EIF3E: variants seen among roughly 807,000 people sequenced by gnomAD.
EIF3E encodes the protein eukaryotic translation initiation factor 3 subunit E.
In EIF3E, 25 loss-of-function variants were observed where a neutral mutation model predicts 59.3. The observed-to-expected ratio is 0.42, with a 90% CI of 0.31 to 0.59. The LOEUF (loss-of-function observed/expected upper bound fraction) is 0.59, where lower values mean the gene tolerates loss of function less well. Among genes scored for constraint, EIF3E ranks in the 20% least tolerant of loss-of-function variants. The pLI is 0.15. For missense variants in EIF3E, 317 were observed against 534.3 expected (o/e 0.59, Z 4.01); for synonymous variants, 176 against 170.2 (o/e 1.03, Z -0.26).
intron 7 of EIF3E, chr8:108,227,543 T>C (rs1344182653): frequency 2.6e-5 from 4 of 152,188 alleles, no homozygotes; most frequent in Admixed American, 2.0e-4. Context: ...TGTAAGAATA[T>C]GAATAGAAAT....
intron 5 of EIF3E, 69 bp downstream of exon 5, chr8:108,234,929 T>A: frequency 1.9e-6 from 2 of 1,037,374 alleles, no homozygotes. Flanking sequence ...TATATACATG[T>A]TTTGAAGAAC....
intron 1 of EIF3E, chr8:108,242,328 T>C: frequency 1.6e-6 from 2 of 1,289,618 alleles, no homozygotes; most frequent in Non-Finnish European, 1.0e-6. Context: ...TGCTTCTCCA[T>C]CCACATTGCT....
chr8:108,214,860 C>T, intron 9 of EIF3E, 144 bp from the exon 10 acceptor site: 1 of 663,140 alleles, frequency 1.5e-6, no homozygotes, highest in South Asian at 2.2e-5. Flanking sequence ...GTGTTCAAAT[C>T]TTTAATGATT....
At chr8:108,230,473 G>A (rs933631591) in intron 5 of EIF3E, among the ~76,000 whole-genome samples, 9 of 151,624 alleles carry the variant, frequency 5.9e-5, no homozygotes, top group South Asian at 2.1e-4. Flanking sequence ...ATTTACATAC[G>A]TAAATTTATA....
Position 108,248,683 on chromosome 8 carries a change from G to A in EIF3E, c.20C>T (p.Thr7Ile), listed in dbSNP as rs1292093954. The A allele has an allele frequency of 6.2e-7, 1 of 1,614,070 alleles. No individual in the cohort carries two copies. The highest frequency in any genetic ancestry group is 2.2e-5 in the East Asian group (1 of 44,888). The change falls in exon 1 of 13, where the codon ACT becomes ATT. Residue 7 changes from threonine (T) to isoleucine (I), a missense_variant. Coordinates refer to ENST00000220849, the MANE Select transcript of EIF3E (RefSeq NM_001568.3). ...ATCCAAAAAGTGCGCGATGCGAGTA[G>A]TCAAGTCGTACTCCGCCATCTTGCC... is the stretch of plus-strand genomic sequence containing the variant. MAEYDL[T>I]TRIAHFLDRH...
chr8:108,206,341 G>A (rs953933076), intron 10 of EIF3E, among the ~76,000 whole-genome samples: 4 of 151,642 alleles, frequency 2.6e-5, no homozygotes, highest in African/African-American at 9.7e-5. Flanking sequence ...AAAAGAAAAA[G>A]AAAGAAAAAA....
Position 108,246,795 on chromosome 8 carries a change from TAA to T in EIF3E, c.90+1816_90+1817del, listed in dbSNP as rs1192374625. Among the ~76,000 whole-genome samples the T allele has an allele frequency of 4.6e-5, 7 of 152,324 alleles. No homozygotes were observed. In the East Asian group the frequency reaches 1.3e-3, roughly 29 times the overall value. On this transcript the variant is annotated intron_variant, in intron 1 of 12. Transcript: ENST00000220849. ...TTCATGATGATGTACTTCCACTTAC[TAA>T]AAAGTAAATGTATTTTCTCTTCCTT...
At chr8:108,242,418 T>G (rs1260649223) in intron 1 of EIF3E, 1 of 1,289,286 alleles carries the variant, frequency 7.8e-7, no homozygotes, top group African/African-American at 1.5e-5. Context: ...AAAGCATAAT[T>G]TAACCTATAG....
chr8:108,204,013 A>G (rs1815044360), intron 10 of EIF3E, among the ~76,000 whole-genome samples: 1 of 152,112 alleles, frequency 6.6e-6, no homozygotes, highest in Non-Finnish European at 1.5e-5. Flanking sequence ...TAGCATTTAC[A>G]TTTTTAAAAG....
intron 10 of EIF3E, among the ~76,000 whole-genome samples, chr8:108,210,167 T>C (rs535807461): frequency 1.3e-5 from 2 of 152,258 alleles, no homozygotes; most frequent in Non-Finnish European, 2.9e-5. Flanking sequence ...CTCAGTCATA[T>C]AGTATTTCTG....
At chr8:108,204,750 G>T (rs511977) in intron 10 of EIF3E, among the ~76,000 whole-genome samples, 43,115 of 93,956 alleles carry the variant, frequency 0.46, 9,920 homozygotes, top group African/African-American at 0.49. Context: ...TATATATAGA[G>T]AGAGAGAGAG....
chr8:108,229,260 T>G (rs1815577453), intron 5 of EIF3E, 65 bp from the exon 6 acceptor site: 1 of 1,532,512 alleles, frequency 6.5e-7, no homozygotes, highest in East Asian at 2.3e-5. Context: ...AATGTATGTT[T>G]TATACCCATG....
intron 1 of EIF3E, among the ~76,000 whole-genome samples, chr8:108,243,644 A>AG (rs1263205566): frequency 2.0e-5 from 3 of 149,698 alleles, no homozygotes; most frequent in Non-Finnish European, 4.4e-5. Context: ...AAAAGAAAAA[A>AG]AAAAAAAAAA....
At chr8:108,239,083 T>A (rs1200441959) in intron 3 of EIF3E, among the ~76,000 whole-genome samples, 1 of 152,146 alleles carries the variant, frequency 6.6e-6, no homozygotes, top group Non-Finnish European at 1.5e-5. Context: ...TGGAAGGGTA[T>A]GAAAGAATGT....
At chr8:108,224,824 T>G (rs1815489334) in intron 7 of EIF3E, among the ~76,000 whole-genome samples, 1 of 151,616 alleles carries the variant, frequency 6.6e-6, no homozygotes. Context: ...TCTTGTACTT[T>G]AGAGTAAATC....
intron 1 of EIF3E, among the ~76,000 whole-genome samples, chr8:108,245,195 G>A (rs1322137691): frequency 6.6e-6 from 1 of 151,792 alleles, no homozygotes; most frequent in Non-Finnish European, 1.5e-5. Context: ...AGCCAAGGGT[G>A]GTGGCTCATG....
chr8:108,236,074 G>T, intron 4 of EIF3E, 87 bp downstream of exon 4: 2 of 997,652 alleles, frequency 2.0e-6, no homozygotes, highest in Admixed American at 5.5e-5. Flanking sequence ...ATATTCTTAG[G>T]CCAAGCCATA....
intron 9 of EIF3E, among the ~76,000 whole-genome samples, chr8:108,215,343 G>A (rs1005903275): frequency 1.3e-5 from 2 of 152,082 alleles, no homozygotes; most frequent in African/African-American, 4.8e-5. Context: ...GGGAGGCCAG[G>A]TGCGGTGGCT....
chr8:108,210,882 T>C (rs963805776), intron 10 of EIF3E, among the ~76,000 whole-genome samples: 2 of 152,120 alleles, frequency 1.3e-5, no homozygotes, highest in Non-Finnish European at 2.9e-5. Flanking sequence ...TTGCTCAGAA[T>C]GATGGTTTCT....
Sources: allele counts gnomAD v4.1 joint callset (sites outside exome capture counted in the v4.1 genomes callset), GRCh38; gene constraint gnomAD v4.1.1; transcripts MANE v1.5; gene names NCBI Gene and HGNC (gene_info 2026-07-23, HGNC 2026-07-21).